The following USP42 variants were observed in gnomAD, a reference collection of about 807,000 sequenced individuals.
The protein encoded by USP42 is ubiquitin carboxyl-terminal hydrolase 42.
A neutral mutation model predicts 113.0 loss-of-function variants in USP42; 23 were observed. That is an observed-to-expected ratio of 0.20 (90% CI 0.15 to 0.29). The LOEUF (loss-of-function observed/expected upper bound fraction) is 0.29, where lower values mean the gene tolerates loss of function less well. USP42 is among the 10% of genes least tolerant of loss of function. The pLI is 1.00. For missense variants in USP42, 2,174 were observed against 1,779.8 expected, an observed-to-expected ratio of 1.22 and a Z score of -3.99; for synonymous variants, 933 against 699.0, an observed-to-expected ratio of 1.33 and a Z score of -5.28.
chr7:6,103,932 A>G (rs1358748528), upstream of USP42, among the ~76,000 whole-genome samples: 1 of 150,782 alleles, frequency 6.6e-6, no homozygotes, highest in African/African-American at 2.5e-5. Flanking sequence ...AAAAACCCTA[A>G]AATTAAGTGG....
upstream of USP42, among the ~76,000 whole-genome samples, chr7:6,102,311 A>G (rs1376272811): frequency 6.7e-6 from 1 of 149,928 alleles, no homozygotes; most frequent in Non-Finnish European, 1.5e-5. Flanking sequence ...ACAGAGTTTC[A>G]GCATATTGGC....
chr7:6,157,883 C>T lies in USP42; in HGVS notation c.3943+828C>T, dbSNP rs982640028. 1.3e-5 allele frequency among the ~76,000 whole-genome samples: 2 copies of T among 152,150 alleles called. No homozygotes were observed. Among genetic ancestry groups the T allele is most frequent in the Non-Finnish European group, 1.5e-5 (1 of 68,034 alleles). On this transcript the variant is annotated intron_variant, in intron 16 of 17. Coordinates refer to ENST00000306177, the MANE Select transcript of USP42 (RefSeq NM_032172.3). The surrounding 1 kb of genome is among the most constrained non-coding windows in gnomAD (Gnocchi z 4.1). ...GCTGTGTCTCCGTCCTGTGGCCACA[C>T]GCTGTGCTCTTACTGCACTTGAGGC...
Position 6,158,858 on chromosome 7 carries a change from T to C in USP42, c.3944-592T>C, listed in dbSNP as rs1009473691. ...AGCTGGGGCTACTGGGAGACAGTGA[T>C]GGCCCCCGAGGCAGCTGGTCCAGCG... On this transcript the variant is annotated intron_variant, in intron 16 of 17. Transcript: ENST00000306177. The surrounding 1 kb of genome is among the most constrained non-coding windows in gnomAD (Gnocchi z 4.2). 1.3e-5 allele frequency among the ~76,000 whole-genome samples: 2 copies of C among 152,024 alleles called. No homozygotes were observed. Among genetic ancestry groups the C allele is most frequent in the Non-Finnish European group, 2.9e-5 (2 of 67,994 alleles).
upstream of USP42, chr7:6,104,901 G>A (rs910742211): frequency 6.8e-6 from 1 of 146,994 alleles, no homozygotes; most frequent in Non-Finnish European, 1.5e-5. Flanking sequence ...CGGCGGGCGC[G>A]GCGCTGACCC....
Position 6,139,900 on chromosome 7 carries a change from G to C in USP42, c.657-228G>C. On this transcript the variant is annotated intron_variant, in intron 5 of 17. Transcript: ENST00000306177. The surrounding 1 kb of genome is among the most constrained non-coding windows in gnomAD (Gnocchi z 4.5). ...TTGCTTCCCGAGTCCCTTCCTGACA[G>C]ACACAGCTCCCACAGCTCTGCGTCT... 2 of 571,224 alleles carry C rather than the reference G, an allele frequency of 3.5e-6. No individual in the cohort carries two copies. Among genetic ancestry groups the C allele is most frequent in the South Asian group, 4.2e-5 (2 of 47,902 alleles). 35.4% of individuals were successfully genotyped at this position (571,224 alleles called of 1,614,324 possible). A position where few individuals can be genotyped will look rare whatever the true frequency, so the allele number is the denominator to read the frequency against.
intron 2 of USP42, 119 bp from the exon 3 acceptor site, chr7:6,115,204 G>C: frequency 2.1e-6 from 2 of 949,096 alleles, no homozygotes; most frequent in Non-Finnish European, 3.2e-6. Flanking sequence ...CTGTATTTCA[G>C]GTAGGCTGGT....
At chr7:6,120,613 G>A (rs781164003) in intron 3 of USP42, among the ~76,000 whole-genome samples, 1 of 152,024 alleles carries the variant, frequency 6.6e-6, no homozygotes, top group African/African-American at 2.4e-5. Context: ...GCCATCTTTA[G>A]TTTCTCGTTG....
the USP42 span, among the ~76,000 whole-genome samples, chr7:6,094,290 C>T: frequency 1.3e-5 from 2 of 151,364 alleles, no homozygotes; most frequent in African/African-American, 4.9e-5. Context: ...CCTCCCACCT[C>T]AGCCTCCTTA....
rs772312000 is a variant in USP42 at position 6,156,863 on chromosome 7, G to C, written c.3751G>C (p.Val1251Leu). The stretch of plus-strand genomic sequence containing the variant: ...ACATTCAAGAAAATCAGAGGACTTT[G>C]TTAAAGATTCAGAACTGCACTTACC... ...KRHSRKSEDF[V>L]KDSELHLPRV... is the part of the protein sequence containing the mutation. Residue 1251 changes from valine (V) to leucine (L), a missense_variant, in exon 16 of 18, where the codon GTT becomes CTT. Physicochemically the swap from Val to Leu is conservative, Grantham distance 32 (BLOSUM62 1). Transcript: ENST00000306177. The C allele has an allele frequency of 1.2e-6, 2 of 1,611,938 alleles. No individual in the cohort carries two copies. The highest frequency in any genetic ancestry group is 2.7e-5 in the African/African-American group (2 of 74,782).
intron 2 of USP42, 53 bp downstream of exon 2, chr7:6,111,427 G>C: frequency 6.3e-7 from 1 of 1,584,380 alleles, no homozygotes; most frequent in Non-Finnish European, 8.6e-7. Flanking sequence ...TGTAAATGCT[G>C]CTGGGGCTTG....
chr7:6,153,997 C>T lies in USP42; in HGVS notation c.2443C>T (p.Pro815Ser). ...CGAGGACATCGTGGGGGACACAGCACCCCCTGACCTGTGTGATCCCGGGAG... is the reference window on the plus strand; with the variant it reads ...CGAGGACATCGTGGGGGACACAGCATCCCCTGACCTGTGTGATCCCGGGAG... Reference protein sequence around the residue: ...AGEDIVGDTAPPDLCDPGSLT... With the variant: ...AGEDIVGDTASPDLCDPGSLT... The change falls in exon 15 of 18, where the codon CCC (proline) becomes TCC (serine). Residue 815 changes from proline (P) to serine (S), a missense_variant. Physicochemically the swap from Pro to Ser is moderately conservative, Grantham distance 74 (BLOSUM62 -1). Coordinates refer to ENST00000306177, the MANE Select transcript of USP42 (RefSeq NM_032172.3). 4 of 1,602,688 alleles carry T rather than the reference C, an allele frequency of 2.5e-6. No homozygotes were observed. Among genetic ancestry groups the T allele is most frequent in the Non-Finnish European group, 3.4e-6 (4 of 1,178,554 alleles).
chr7:6,101,356 C>CT (rs1347153720), upstream of USP42, among the ~76,000 whole-genome samples: 2 of 151,080 alleles, frequency 1.3e-5, no homozygotes, highest in Admixed American at 6.6e-5. Flanking sequence ...TCCTGTGAGC[C>CT]TTCGGACTTG....
chr7:6,114,983 C>T (rs968370951), intron 2 of USP42, among the ~76,000 whole-genome samples: 2 of 152,026 alleles, frequency 1.3e-5, no homozygotes, highest in South Asian at 4.2e-4. Flanking sequence ...AGCCACTGTG[C>T]CCGGCCCTAT....
At chr7:6,099,173 A>G in the USP42 span, among the ~76,000 whole-genome samples, 2 of 134,538 alleles carry the variant, frequency 1.5e-5, no homozygotes, top group East Asian at 2.2e-4. Flanking sequence ...CTCACTTTAT[A>G]TTACTGACTA....
rs1386998311 is a variant in USP42 at position 6,154,163 on chromosome 7, C to G, written c.2609C>G (p.Pro870Arg). Residue 870 changes from proline (P) to arginine (R), a missense_variant, in exon 15 of 18, where the codon CCA (proline) becomes CGA (arginine). Pro to Arg is a moderately radical substitution (Grantham distance 103). Coordinates refer to ENST00000306177, the MANE Select transcript of USP42 (RefSeq NM_032172.3). ...CGGTCGGAGGAGCCCTGCGAGCAGC[C>G]ACTCCTTGTTCACCCCAGCGGGGAC... ...PARSEEPCEQ[P>R]LLVHPSGDHA... 6.3e-7 allele frequency: 1 copy of G among 1,594,856 alleles called. No homozygotes were observed. The highest frequency in any genetic ancestry group is 8.5e-7 in the Non-Finnish European group (1 of 1,171,510).
At chr7:6,140,265 G>C in intron 6 of USP42, 70 bp downstream of exon 6, 4 of 1,375,026 alleles carry the variant, frequency 2.9e-6, no homozygotes, top group South Asian at 1.2e-5. Flanking sequence ...AGTAGGACAG[G>C]GTTAGTCCTA....
chr7:6,149,730 G>T lies in USP42; in HGVS notation c.1534G>T (p.Val512Leu). The T allele has an allele frequency of 1.2e-6, 2 of 1,613,966 alleles. No homozygotes were observed. Among genetic ancestry groups the T allele is most frequent in the Admixed American group, 1.7e-5 (1 of 60,020 alleles). ...VQNWSVNRSS[V>L]IPEHPKKQKI... The stretch of plus-strand genomic sequence containing the variant: ...AAACTGGTCAGTTAATAGGTCCTCA[G>T]TGATCCCAGAACATCCTAAGAAACA... The change falls in exon 13 of 18, where the codon GTG becomes TTG. Residue 512 changes from valine to leucine, a missense_variant. Physicochemically the swap from Val to Leu is conservative, Grantham distance 32. Transcript: ENST00000306177.
At chr7:6,113,897 AG>A (rs55913055) in intron 2 of USP42, among the ~76,000 whole-genome samples, 16,290 of 152,232 alleles carry the variant, frequency 0.11, 977 homozygotes, top group Non-Finnish European at 0.12. Context: ...CTGGGATTAC[AG>A]GCATGAGCCA....
chr7:6,125,038 G>C (rs551423292), intron 3 of USP42, among the ~76,000 whole-genome samples: 7 of 151,878 alleles, frequency 4.6e-5, no homozygotes, highest in African/African-American at 1.7e-4. Context: ...AAAATTAGCC[G>C]GGTGTGGTGG....
Sources: gnomAD v4.1 joint callset for allele counts (sites outside exome capture counted in the v4.1 genomes callset) on GRCh38, gnomAD v4.1.1 for gene constraint, Gnocchi (gnomAD v3.1) non-coding constraint, MANE v1.5 for transcripts, NCBI Gene and HGNC (gene_info 2026-07-23, HGNC 2026-07-21) for gene names.